The following RBFOX1 variants were observed in gnomAD, a reference collection of about 807,000 sequenced individuals.
The protein encoded by RBFOX1 is RNA binding fox-1 homolog 1.
A neutral mutation model predicts 57.7 loss-of-function variants in RBFOX1; 8 were observed. The ratio of observed to expected loss-of-function variants is 0.14; its 90% confidence interval spans 0.08 to 0.25. RBFOX1 has a LOEUF of 0.25. Among genes scored for constraint, RBFOX1 ranks in the 10% least tolerant of loss-of-function variants. The pLI is 1.00. For synonymous variants in RBFOX1, 326 were observed against 222.4 expected (o/e 1.47, Z -4.15); for missense variants, 611 against 548.5 (o/e 1.11, Z -1.14).
chr16:5,254,611 G>A (rs1997282), intron 1 of RBFOX1, among the ~76,000 whole-genome samples: 23,128 of 151,992 alleles, frequency 0.15, 1,960 homozygotes, highest in African/African-American at 0.23. Flanking sequence ...TCTTTTCTCT[G>A]TTCGAGATTG....
chr16:7,260,631 C>A (rs755496865), intron 4 of RBFOX1, among the ~76,000 whole-genome samples: 1 of 152,088 alleles, frequency 6.6e-6, no homozygotes, highest in Non-Finnish European at 1.5e-5. Context: ...GGCTAAAGGG[C>A]ACGTTTGGTG....
intron 4 of RBFOX1, among the ~76,000 whole-genome samples, chr16:7,453,493 G>C (rs2057821186): frequency 6.6e-6 from 1 of 152,180 alleles, no homozygotes; most frequent in Non-Finnish European, 1.5e-5. Context: ...AAGCATTGTA[G>C]CCTTAAAAGG....
chr16:7,229,036 T>C (rs186895832), intron 4 of RBFOX1, among the ~76,000 whole-genome samples: 1 of 152,120 alleles, frequency 6.6e-6, no homozygotes, highest in East Asian at 1.9e-4. Context: ...GCATAACAGA[T>C]GTATCTAAAC....
chr16:7,264,188 T>TGGC (rs1442957577), intron 4 of RBFOX1, among the ~76,000 whole-genome samples: 1 of 152,142 alleles, frequency 6.6e-6, no homozygotes, highest in African/African-American at 2.4e-5. Flanking sequence ...CCTCAAGCAC[T>TGGC]TAGCCAGTAA....
intron 4 of RBFOX1, among the ~76,000 whole-genome samples, chr16:6,000,733 G>C (rs2060584029): frequency 6.9e-6 from 1 of 144,364 alleles, no homozygotes; most frequent in East Asian, 2.7e-4. Context: ...GGGTGGATGA[G>C]TGCATGGGTA....
intron 4 of RBFOX1, among the ~76,000 whole-genome samples, chr16:5,953,941 G>T (rs893549887): frequency 1.3e-5 from 2 of 152,128 alleles, no homozygotes; most frequent in African/African-American, 4.8e-5. Context: ...CTGTGTTTCT[G>T]TTGCCAACCG....
chr16:6,095,697 T>C (rs1199591224), intron 1 of RBFOX1, among the ~76,000 whole-genome samples: 2 of 149,628 alleles, frequency 1.3e-5, no homozygotes, highest in South Asian at 2.1e-4. Flanking sequence ...TCTTCTGCGA[T>C]GGAAAGAAAA....
chr16:6,340,231 C>T (rs182252582), intron 2 of RBFOX1, among the ~76,000 whole-genome samples: 23 of 152,114 alleles, frequency 1.5e-4, no homozygotes, highest in Admixed American at 7.2e-4. Flanking sequence ...ACAGGCCGTC[C>T]GACTATCTGC....
At chr16:5,260,296 A>G (rs1200846653) in intron 1 of RBFOX1, among the ~76,000 whole-genome samples, 1 of 152,098 alleles carries the variant, frequency 6.6e-6, no homozygotes, top group Non-Finnish European at 1.5e-5. Context: ...AGAGAGAGAA[A>G]TCACCCCAAA....
At chr16:7,100,509 CAT>C (rs2062495814) in intron 4 of RBFOX1, among the ~76,000 whole-genome samples, 4 of 150,502 alleles carry the variant, frequency 2.7e-5, no homozygotes, top group African/African-American at 9.8e-5. Flanking sequence ...CAAATTATCT[CAT>C]AAACATTTTC....
At chr16:7,183,132 G>C (rs1166674025) in intron 4 of RBFOX1, among the ~76,000 whole-genome samples, 4 of 152,166 alleles carry the variant, frequency 2.6e-5, no homozygotes, top group Non-Finnish European at 5.9e-5. Flanking sequence ...GCTGGGATCA[G>C]TATTCAACCC....
chr16:7,548,013 A>G (rs2085107756), intron 5 of RBFOX1, among the ~76,000 whole-genome samples: 1 of 152,158 alleles, frequency 6.6e-6, no homozygotes, highest in South Asian at 2.1e-4. Context: ...CCTGTTTTGG[A>G]TTGCTGTAAA....
At chr16:5,679,665 A>C (rs1195541580) in intron 3 of RBFOX1, among the ~76,000 whole-genome samples, 2 of 152,152 alleles carry the variant, frequency 1.3e-5, no homozygotes, top group Admixed American at 6.5e-5. Context: ...CTCTTTCATG[A>C]AGTCCTCTAC....
intron 4 of RBFOX1, among the ~76,000 whole-genome samples, chr16:7,179,838 G>A (rs1008205343): frequency 9.9e-5 from 15 of 151,782 alleles, no homozygotes; most frequent in African/African-American, 1.9e-4. Flanking sequence ...AGGTTCAAGC[G>A]ATTCTCCTGC....
intron 2 of RBFOX1, among the ~76,000 whole-genome samples, chr16:6,388,775 T>G (rs538217232): frequency 2.1e-4 from 32 of 152,238 alleles, no homozygotes; most frequent in African/African-American, 7.7e-4. Context: ...ATTCCATCAC[T>G]TGTGGCAATA....
intron 3 of RBFOX1, among the ~76,000 whole-genome samples, chr16:5,735,445 T>C (rs1014660828): frequency 2.0e-5 from 3 of 152,232 alleles, no homozygotes; most frequent in Admixed American, 1.3e-4. Context: ...TTCTGAACTT[T>C]CTTTCTCCAA....
intron 3 of RBFOX1, among the ~76,000 whole-genome samples, chr16:5,828,910 G>A (rs756841484): frequency 6.6e-6 from 1 of 152,120 alleles, no homozygotes; most frequent in African/African-American, 2.4e-5. Flanking sequence ...ATCACTTACC[G>A]TTTCACTGTT....
intron 3 of RBFOX1, among the ~76,000 whole-genome samples, chr16:5,670,325 C>T (rs966825515): frequency 6.6e-6 from 1 of 152,094 alleles, no homozygotes; most frequent in Non-Finnish European, 1.5e-5. Flanking sequence ...ATATGCATTT[C>T]ACCACAGTCA....
At chr16:6,944,244 A>C (rs532660273) in intron 3 of RBFOX1, among the ~76,000 whole-genome samples, 1 of 152,006 alleles carries the variant, frequency 6.6e-6, no homozygotes, top group Non-Finnish European at 1.5e-5. Flanking sequence ...AAAATACAAA[A>C]ATAAGCCAGG....
Sources: allele counts gnomAD v4.1 joint callset (sites outside exome capture counted in the v4.1 genomes callset), GRCh38; gene constraint gnomAD v4.1.1; transcripts MANE v1.5; gene names NCBI Gene and HGNC (gene_info 2026-07-23, HGNC 2026-07-21).